Variants in IFIH1 observed in about 807,000 individuals in gnomAD.
The protein encoded by IFIH1 is interferon-induced helicase C domain-containing protein 1.
IFIH1 carries 125 observed loss-of-function variants against 107.4 expected under a neutral mutation model. That is an observed-to-expected ratio of 1.16 (90% CI 1.01 to 1.35). The LOEUF is 1.35. Among genes scored for constraint, IFIH1 ranks in the 40% most tolerant of loss-of-function variants. The pLI, the probability that IFIH1 is intolerant of heterozygous loss-of-function variation, is 0.00. For missense variants in IFIH1, 1,333 were observed against 1,213.7 expected, an observed-to-expected ratio of 1.10 and a Z score of -1.46; for synonymous variants, 458 against 413.2, an observed-to-expected ratio of 1.11 and a Z score of -1.31.
In IFIH1 at chr2:162,318,640, G is replaced by C. The variant is rs1479705184; in HGVS notation, c.-333C>G. 5.7e-6 allele frequency: 1 copy of C among 175,422 alleles called. No individual in the cohort carries two copies. Among genetic ancestry groups the C allele is most frequent in the African/African-American group, 2.4e-5 (1 of 42,276 alleles). The allele number at this position is 175,422 out of a possible 1,614,324, so 10.9% of individuals were successfully genotyped here. Reference sequence around the variant, plus strand: ...GCGATCCTGCTGCACACTCGGGTAGGAGCTTTGAGTCCAGCTTTCTGTCAG... The same window carrying C: ...GCGATCCTGCTGCACACTCGGGTAGCAGCTTTGAGTCCAGCTTTCTGTCAG... On this transcript the variant is annotated 5_prime_UTR_variant, in exon 1 of 16. Transcript: ENST00000649979.
intron 5 of IFIH1, among the ~76,000 whole-genome samples, chr2:162,287,883 G>T (rs1210724374): frequency 6.6e-6 from 1 of 151,826 alleles, no homozygotes; most frequent in Non-Finnish European, 1.5e-5. Context: ...CTAACTCCCA[G>T]GTGTTGGGGC....
chr2:162,291,400 T>C (rs1352694846), intron 4 of IFIH1, among the ~76,000 whole-genome samples: 1 of 151,492 alleles, frequency 6.6e-6, no homozygotes, highest in African/African-American at 2.4e-5. Context: ...TATCTTGAAA[T>C]AGTAAGGAAA....
rs1466828817 is a variant in IFIH1, at chr2:162,280,078, GTT to G, written c.1557_1558del (p.Lys519AsnfsTer3). 1 of 1,604,894 alleles carries G rather than the reference GTT, an allele frequency of 6.2e-7. No homozygotes were observed. The highest frequency in any genetic ancestry group is 8.5e-7 in the Non-Finnish European group (1 of 1,172,644). ...CAGTTGATCAAGGTTTTCTTTAACAGTTTTAATAGTAAATGCATCAAGATTGG... is the reference window on the plus strand; with the variant it reads ...CAGTTGATCAAGGTTTTCTTTAACAGTTAATAGTAAATGCATCAAGATTGG... On this transcript the variant is annotated frameshift_variant, in exon 8 of 16. Coordinates refer to ENST00000649979, the MANE Select transcript of IFIH1 (RefSeq NM_022168.4). LOFTEE classifies it high-confidence loss of function.
Position 162,277,586 on chromosome 2 carries a change from G to T in IFIH1, c.1873C>A (p.His625Asn), listed in dbSNP as rs749942019. Reference protein sequence around the residue: ...DTIRMIDAYTHLETFYNEEKD... With the variant: ...DTIRMIDAYTNLETFYNEEKD... The stretch of plus-strand genomic sequence containing the variant: ...TCTTCATTATAGAAAGTTTCAAGAT[G>T]AGTATACGCATCTATCATTCGAATT... The change falls in exon 10 of 16, where the codon CAT becomes AAT. Residue 625 changes from histidine to asparagine, a missense_variant. Coordinates refer to ENST00000649979, the MANE Select transcript of IFIH1 (RefSeq NM_022168.4). 15 of 1,612,048 alleles carry T rather than the reference G, an allele frequency of 9.3e-6. No homozygotes were observed. Among genetic ancestry groups the T allele is most frequent in the Middle Eastern group, 1.6e-4 (1 of 6,078 alleles).
rs1390532012 is a variant in IFIH1 at position 162,318,509 on chromosome 2, C to A, written c.-202G>T. The A allele has an allele frequency of 1.4e-5, 5 of 358,766 alleles. No homozygotes were observed. Among genetic ancestry groups the A allele is most frequent in the East Asian group, 4.6e-5 (1 of 21,704 alleles). The allele number at this position is 358,766 out of a possible 1,614,324, so 22.2% of individuals were successfully genotyped here. The stretch of plus-strand genomic sequence containing the variant: ...ACTCGCACCTGGGCAGGTGGGCAGG[C>A]GGGCAGGTGGGCAGCGGGGCGGCGC... On this transcript the variant is annotated 5_prime_UTR_variant, in exon 1 of 16. Transcript: ENST00000649979.
chr2:162,267,080 G>T lies in IFIH1; in HGVS notation c.*120C>A. 2.5e-6 allele frequency: 2 copies of T among 784,872 alleles called. No individual in the cohort carries two copies. Among genetic ancestry groups the T allele is most frequent in the Non-Finnish European group, 4.0e-6 (2 of 497,274 alleles). 48.6% of individuals were successfully genotyped at this position (784,872 alleles called of 1,614,324 possible). A position where few individuals can be genotyped will look rare whatever the true frequency, so the allele number is the denominator to read the frequency against. On this transcript the variant is annotated 3_prime_UTR_variant, in exon 16 of 16. Coordinates refer to ENST00000649979, the MANE Select transcript of IFIH1 (RefSeq NM_022168.4). ...ATTGTGTTCTTAAAAAGAGTTCAATGCAGAGTAAAACAATCATTTTATTGA... is the reference window on the plus strand; with the variant it reads ...ATTGTGTTCTTAAAAAGAGTTCAATTCAGAGTAAAACAATCATTTTATTGA...
At chr2:162,275,779 C>T (rs1691140597) in intron 11 of IFIH1, among the ~76,000 whole-genome samples, 4 of 152,154 alleles carry the variant, frequency 2.6e-5, no homozygotes, top group Admixed American at 2.6e-4. Flanking sequence ...TTCATGCATG[C>T]TTGTAATGTC....
intron 3 of IFIH1, among the ~76,000 whole-genome samples, chr2:162,299,575 G>A (rs1170653558): frequency 6.6e-6 from 1 of 152,012 alleles, no homozygotes; most frequent in East Asian, 1.9e-4. Context: ...GTGCACACTG[G>A]GGTCTTACAA....
intron 4 of IFIH1, among the ~76,000 whole-genome samples, chr2:162,289,207 A>G (rs1315893141): frequency 2.0e-5 from 3 of 151,886 alleles, no homozygotes; most frequent in African/African-American, 4.8e-5. Context: ...TCTAAAATCC[A>G]AAGTATAATA....
At chr2:162,289,547 T>C (rs1682960341) in intron 4 of IFIH1, among the ~76,000 whole-genome samples, 1 of 151,944 alleles carries the variant, frequency 6.6e-6, no homozygotes, top group African/African-American at 2.4e-5. Flanking sequence ...TTCTTATCAA[T>C]GTTTGCAATA....
intron 1 of IFIH1, among the ~76,000 whole-genome samples, chr2:162,316,668 C>A (rs1254699671): frequency 2.6e-5 from 4 of 152,028 alleles, no homozygotes; most frequent in Admixed American, 6.5e-5. Context: ...GAGAAAAAAA[C>A]CATGTGAAAA....
intron 5 of IFIH1, among the ~76,000 whole-genome samples, chr2:162,286,884 A>G (rs897477437): frequency 2.0e-5 from 3 of 152,100 alleles, no homozygotes; most frequent in African/African-American, 7.2e-5. Flanking sequence ...TTGAAATTTC[A>G]GAGCAGGGTA....
chr2:162,316,618 G>C (rs554344400), intron 1 of IFIH1, among the ~76,000 whole-genome samples: 3 of 152,202 alleles, frequency 2.0e-5, no homozygotes, highest in African/African-American at 7.2e-5. Context: ...CCAGAAGTTT[G>C]TATGAATATA....
chr2:162,317,761 G>A (rs1576242935), intron 1 of IFIH1, 94 bp downstream of exon 1: 1 of 972,870 alleles, frequency 1.0e-6, no homozygotes. Flanking sequence ...TTTGCCCAAA[G>A]AGGTCAAGCA....
At chr2:162,286,205 C>CA (rs141069944) in intron 5 of IFIH1, among the ~76,000 whole-genome samples, 2 of 151,502 alleles carry the variant, frequency 1.3e-5, no homozygotes, top group Non-Finnish European at 2.9e-5. Context: ...CAAGGAACAA[C>CA]AAAAAAAAGT....
intron 1 of IFIH1, among the ~76,000 whole-genome samples, chr2:162,317,213 G>A (rs1683510551): frequency 6.6e-6 from 1 of 152,088 alleles, no homozygotes; most frequent in African/African-American, 2.4e-5. Flanking sequence ...GCAGCCACAA[G>A]CAATATGTAA....
chr2:162,296,444 A>G (rs961422435), intron 3 of IFIH1, among the ~76,000 whole-genome samples: 1 of 152,114 alleles, frequency 6.6e-6, no homozygotes, highest in African/African-American at 2.4e-5. Flanking sequence ...CTCCTGTTTC[A>G]TAGGTGAGAA....
rs753850102 is a variant in IFIH1, at chr2:162,307,084, C to T, written c.623-229G>A. On this transcript the variant is annotated intron_variant, in intron 2 of 15. Transcript: ENST00000649979. Reference sequence around the variant, plus strand: ...TATTTTGAAAACAAAATGGAGAGCCCGCAATAGAGATTGCTTTAATATATT... The same window carrying T: ...TATTTTGAAAACAAAATGGAGAGCCTGCAATAGAGATTGCTTTAATATATT... The T allele has an allele frequency of 3.4e-5, 14 of 407,772 alleles. No individual in the cohort carries two copies. The South Asian group carries it at 4.6e-4, about 13-fold the overall frequency. 25.3% of individuals were successfully genotyped at this position (407,772 alleles called of 1,614,324 possible). A position where few individuals can be genotyped will look rare whatever the true frequency, so the allele number is the denominator to read the frequency against.
chr2:162,303,215 A>G (rs1020439416), intron 3 of IFIH1, among the ~76,000 whole-genome samples: 3 of 152,036 alleles, frequency 2.0e-5, no homozygotes, highest in African/African-American at 7.2e-5. Flanking sequence ...CTTGGGTTCA[A>G]GTGATTCCCC....
Sources: gnomAD v4.1 joint callset for allele counts (sites outside exome capture counted in the v4.1 genomes callset) on GRCh38, gnomAD v4.1.1 for gene constraint, MANE v1.5 for transcripts, NCBI Gene and HGNC (gene_info 2026-07-23, HGNC 2026-07-21) for gene names.